Variants in RFC3 observed in about 807,000 individuals in gnomAD.
RFC3 encodes the protein A1 38 kDa subunit.
A neutral mutation model predicts 45.1 loss-of-function variants in RFC3; 41 were observed. The ratio of observed to expected loss-of-function variants is 0.91; its 90% CI spans 0.71 to 1.18. The LOEUF is 1.18. Ranked by LOEUF, RFC3 falls within the 50% of genes most tolerant of loss-of-function variation. The pLI is 0.00. For synonymous variants in RFC3, 149 were observed against 144.0 expected, an observed-to-expected ratio of 1.03 and a Z score of -0.25; for missense variants, 423 against 428.1, an observed-to-expected ratio of 0.99 and a Z score of 0.10.
At chr13:33,916,443 A>G (rs2082734063) in intron 8 of RFC3, among the ~76,000 whole-genome samples, 1 of 152,148 alleles carries the variant, frequency 6.6e-6, no homozygotes, top group Non-Finnish European at 1.5e-5. Context: ...ACAGAAACAG[A>G]TGTCTCAAAG....
At chr13:33,840,000 T>G (rs2082185893), downstream of RFC3, among the ~76,000 whole-genome samples, 2 of 152,192 alleles carry the variant, frequency 1.3e-5, no homozygotes, top group African/African-American at 2.4e-5. Context: ...ATTTTTAATT[T>G]TATTTTGCTA....
chr13:33,858,845 T>C (rs2082323342), intron 8 of RFC3, among the ~76,000 whole-genome samples: 1 of 152,208 alleles, frequency 6.6e-6, no homozygotes, highest in African/African-American at 2.4e-5. Context: ...AGAGAAAGAA[T>C]TTATCCCCAA....
chr13:33,890,257 A>C (rs764207841), intron 8 of RFC3, among the ~76,000 whole-genome samples: 1 of 152,066 alleles, frequency 6.6e-6, no homozygotes, highest in South Asian at 2.1e-4. Flanking sequence ...ATGTTAATTT[A>C]TGAGTTCAGT....
chr13:33,825,243 C>T (rs3135572), intron 3 of RFC3, among the ~76,000 whole-genome samples: 17,308 of 152,084 alleles, frequency 0.11, 1,314 homozygotes, highest in African/African-American at 0.19. Context: ...CATCAGTTTA[C>T]GGAGTTTTGA....
At chr13:33,854,071 T>C (rs1320542886) in intron 8 of RFC3, among the ~76,000 whole-genome samples, 8 of 152,214 alleles carry the variant, frequency 5.3e-5, no homozygotes, top group Non-Finnish European at 1.2e-4. Context: ...AGTAGAAAGA[T>C]ACGAAGAAAT....
At chr13:33,956,903 TATGTTTAG>T (rs2083025524) in intron 8 of RFC3, among the ~76,000 whole-genome samples, 1 of 152,230 alleles carries the variant, frequency 6.6e-6, no homozygotes. Flanking sequence ...CTTCTGTCTA[TATGTTTAG>T]GTCTATGCAG....
chr13:33,848,399 A>G (rs932550100), intron 8 of RFC3: 2 of 152,220 alleles, frequency 1.3e-5, no homozygotes, highest in Non-Finnish European at 2.9e-5. Context: ...CAAAAAGAGT[A>G]CATGTGTTGA....
chr13:33,831,375 C>T, intron 7 of RFC3, 21 bp downstream of exon 7: 3 of 1,313,760 alleles, frequency 2.3e-6, no homozygotes, highest in Non-Finnish European at 3.3e-6. Context: ...AAAATGATGA[C>T]AGTAAAGCTT....
chr13:33,929,275 T>G (rs2082836792), intron 8 of RFC3, among the ~76,000 whole-genome samples: 1 of 152,126 alleles, frequency 6.6e-6, no homozygotes, highest in Non-Finnish European at 1.5e-5. Context: ...GTAGTTGATG[T>G]ATCTTCTTTT....
chr13:33,931,836 A>C (rs1305659359), intron 8 of RFC3, among the ~76,000 whole-genome samples: 1 of 152,010 alleles, frequency 6.6e-6, no homozygotes, highest in Admixed American at 6.6e-5. Flanking sequence ...TCTTTTTAAC[A>C]CCTTCATTAT....
intron 8 of RFC3, among the ~76,000 whole-genome samples, chr13:33,862,451 C>G (rs1440498728): frequency 6.6e-6 from 1 of 152,090 alleles, no homozygotes; most frequent in Non-Finnish European, 1.5e-5. Flanking sequence ...TCCATTAATG[C>G]TTCCCATCCT....
chr13:33,917,865 C>A (rs9563927), intron 8 of RFC3, among the ~76,000 whole-genome samples: 44,005 of 150,880 alleles, frequency 0.29, 10,060 homozygotes, highest in African/African-American at 0.62. Context: ...TAAAAAAAAA[C>A]AAACAAACAG....
At chr13:33,925,683 G>GTA (rs1426788469) in intron 8 of RFC3, among the ~76,000 whole-genome samples, 3 of 140,966 alleles carry the variant, frequency 2.1e-5, no homozygotes, top group Non-Finnish European at 3.0e-5. Context: ...TAGTGTGTAT[G>GTA]TATATATACA....
intron 8 of RFC3, among the ~76,000 whole-genome samples, chr13:33,911,866 A>AT (rs2082705592): frequency 1.3e-5 from 2 of 152,178 alleles, no homozygotes; most frequent in African/African-American, 4.8e-5. Flanking sequence ...TGGGAATCAA[A>AT]TTTTAACATG....
chr13:33,845,737 A>C (rs2082232533), intron 8 of RFC3, among the ~76,000 whole-genome samples: 1 of 152,222 alleles, frequency 6.6e-6, no homozygotes, highest in South Asian at 2.1e-4. Flanking sequence ...TCTCTGTCTG[A>C]AAGGTCACAT....
In RFC3 at chr13:33,880,333, C is replaced by T. The variant is rs146450809; in HGVS notation, c.879+45116C>T. 1.7e-3 allele frequency among the ~76,000 whole-genome samples: 264 copies of T among 152,244 alleles called. 1 individual carries two copies. Among genetic ancestry groups the T allele is most frequent in the African/African-American group, 6.1e-3 (255 of 41,546 alleles). On this transcript the variant is annotated intron_variant, in intron 8 of 8. Coordinates refer to the RFC3 transcript ENST00000434425. ...GTAACCTAATAAATGTTAAGTGCAGCATTTTGGATGTAAGGTGCCCATTGA... is the reference window on the plus strand; with the variant it reads ...GTAACCTAATAAATGTTAAGTGCAGTATTTTGGATGTAAGGTGCCCATTGA...
chr13:33,821,470 A>G (rs1403336351), intron 2 of RFC3, among the ~76,000 whole-genome samples: 5 of 152,242 alleles, frequency 3.3e-5, no homozygotes, highest in South Asian at 4.1e-4. Flanking sequence ...TAGATAGGAA[A>G]TAAGAGCAAC....
chr13:33,929,365 C>T (rs1389344490), intron 8 of RFC3, among the ~76,000 whole-genome samples: 5 of 152,000 alleles, frequency 3.3e-5, no homozygotes, highest in African/African-American at 9.7e-5. Context: ...CTAAATACAT[C>T]GCTGACTTCA....
intron 8 of RFC3, among the ~76,000 whole-genome samples, chr13:33,947,234 C>G (rs1263753677): frequency 6.6e-6 from 1 of 152,144 alleles, no homozygotes; most frequent in African/African-American, 2.4e-5. Context: ...TTCCCCTATG[C>G]TGTTCTCATG....
Sources: gnomAD v4.1 joint callset for allele counts (sites outside exome capture counted in the v4.1 genomes callset) on GRCh38, gnomAD v4.1.1 for gene constraint, MANE v1.5 for transcripts, NCBI Gene and HGNC (gene_info 2026-07-23, HGNC 2026-07-21) for gene names.